ARMC3: variants seen among roughly 807,000 people sequenced by gnomAD.
The protein encoded by ARMC3 is armadillo repeat-containing protein 3.
Under a neutral mutation model 90.3 loss-of-function variants are expected in ARMC3, and 74 were observed. The ratio of observed to expected loss-of-function variants is 0.82; its 90% CI spans 0.68 to 0.99. The LOEUF is 0.99. Among genes scored for constraint, ARMC3 ranks in the 50% least tolerant of loss-of-function variants. The pLI is 0.00. For missense variants in ARMC3, 958 were observed against 1,042.8 expected, an observed-to-expected ratio of 0.92 and a Z score of 1.12; for synonymous variants, 334 against 361.8, an observed-to-expected ratio of 0.92 and a Z score of 0.87.
chr10:23,012,878 C>G (rs962463882), intron 16 of ARMC3, among the ~76,000 whole-genome samples: 1 of 149,748 alleles, frequency 6.7e-6, no homozygotes, highest in Non-Finnish European at 1.5e-5. Context: ...CCCAGAGGTG[C>G]TAGCCCCCAC....
intron 16 of ARMC3, among the ~76,000 whole-genome samples, chr10:23,015,308 A>G (rs1838226488): frequency 6.6e-6 from 1 of 152,160 alleles, no homozygotes; most frequent in South Asian, 2.1e-4. Flanking sequence ...CTCATAGGAG[A>G]CGTGATTAAT....
intron 7 of ARMC3, among the ~76,000 whole-genome samples, chr10:22,964,504 ATCTCTGC>A (rs1235315249): frequency 6.7e-6 from 1 of 148,840 alleles, no homozygotes; most frequent in Admixed American, 6.7e-5. Context: ...CAGTGGCACG[ATCTCTGC>A]TCACTGCAAT....
chr10:22,952,011 G>C (rs1834756619), intron 3 of ARMC3, among the ~76,000 whole-genome samples: 1 of 152,092 alleles, frequency 6.6e-6, no homozygotes, highest in Admixed American at 6.6e-5. Context: ...TGTAGTCCCA[G>C]CTGCTTGGGA....
At chr10:23,018,592 C>T (rs1838382692) in intron 16 of ARMC3, among the ~76,000 whole-genome samples, 1 of 147,564 alleles carries the variant, frequency 6.8e-6, no homozygotes, top group African/African-American at 2.5e-5. Context: ...TCTCTGCTCA[C>T]TGCAAGCTCT....
intron 10 of ARMC3, among the ~76,000 whole-genome samples, chr10:22,993,857 C>T (rs114517256): frequency 1.1e-4 from 17 of 152,218 alleles, no homozygotes; most frequent in African/African-American, 3.6e-4. Context: ...GACATGAAAT[C>T]GCACAATATT....
intron 13 of ARMC3, among the ~76,000 whole-genome samples, chr10:23,005,529 C>T (rs1470566012): frequency 6.6e-6 from 1 of 152,136 alleles, no homozygotes; most frequent in Non-Finnish European, 1.5e-5. Flanking sequence ...AGAGAATAAA[C>T]ACCAAACATG....
chr10:22,956,048 C>A, intron 4 of ARMC3, 116 bp downstream of exon 4: 5 of 1,036,320 alleles, frequency 4.8e-6, no homozygotes, highest in Non-Finnish European at 6.8e-6. Context: ...TTCATGTTCA[C>A]AAAAACATTT....
At chr10:22,972,246 C>A (rs913073776) in intron 8 of ARMC3, among the ~76,000 whole-genome samples, 1 of 152,128 alleles carries the variant, frequency 6.6e-6, no homozygotes, top group African/African-American at 2.4e-5. Flanking sequence ...GGTGTCATAT[C>A]CAATAACTCA....
At chr10:22,968,586 A>C in intron 8 of ARMC3, 97 bp downstream of exon 8, 1 of 1,117,922 alleles carries the variant, frequency 8.9e-7, no homozygotes, top group East Asian at 2.7e-5. Context: ...TGCAGCCTCA[A>C]CCTCCCCAGG....
chr10:22,982,500 A>C (rs1032115084), intron 10 of ARMC3, among the ~76,000 whole-genome samples: 13 of 152,256 alleles, frequency 8.5e-5, no homozygotes, highest in Admixed American at 2.0e-4. Context: ...CATTTTAAAA[A>C]TTATCAAAAT....
intron 7 of ARMC3, among the ~76,000 whole-genome samples, chr10:22,963,640 C>T (rs1835298347): frequency 1.3e-5 from 2 of 151,846 alleles, no homozygotes; most frequent in African/African-American, 4.8e-5. Flanking sequence ...ACCTGTAATC[C>T]CAGCACTTTG....
At chr10:22,961,154 T>A (rs959274308) in intron 6 of ARMC3, 1 of 152,210 alleles carries the variant, frequency 6.6e-6, no homozygotes, top group African/African-American at 2.4e-5. Context: ...TAGCAATCAA[T>A]TGAAGGATGG....
At position 22,959,479 on chromosome 10, in the gene ARMC3, G is replaced by C. The variant is rs544586609; in HGVS notation, c.442G>C (p.Glu148Gln). The C allele has an allele frequency of 1.2e-6, 2 of 1,613,966 alleles. No individual in the cohort carries two copies. The highest frequency in any genetic ancestry group is 2.2e-5 in the South Asian group (2 of 91,056). ...GTACACCAGTAAAGTGCAAATATTT[G>C]AACATGGGGGATTAGAGCCACTCAT... ...AEYTSKVQIF[E>Q]HGGLEPLIRL... The change falls in exon 6 of 19, where the codon GAA becomes CAA. Residue 148 changes from glutamate to glutamine, a missense_variant. Physicochemically the swap from Glu to Gln is conservative, Grantham distance 29. Transcript: ENST00000298032.
intron 16 of ARMC3, chr10:23,014,195 A>C: frequency 6.5e-7 from 1 of 1,547,208 alleles, no homozygotes; most frequent in Non-Finnish European, 8.7e-7. Context: ...TTCAGACACA[A>C]CTGGGCCTTG....
intron 1 of ARMC3, among the ~76,000 whole-genome samples, chr10:22,929,876 T>G (rs537861137): frequency 6.6e-6 from 1 of 152,296 alleles, no homozygotes; most frequent in South Asian, 2.1e-4. Flanking sequence ...GGCTTTTAAC[T>G]TCATTCTTTA....
intron 7 of ARMC3, among the ~76,000 whole-genome samples, chr10:22,967,270 G>A (rs1835480390): frequency 6.6e-6 from 1 of 152,204 alleles, no homozygotes; most frequent in South Asian, 2.1e-4. Flanking sequence ...CATATAAAAA[G>A]TACTTTCACA....
chr10:22,980,779 T>C (rs538611628), intron 8 of ARMC3, among the ~76,000 whole-genome samples: 15 of 152,302 alleles, frequency 9.8e-5, no homozygotes, highest in African/African-American at 3.4e-4. Context: ...TACTTAAGTA[T>C]GTATTGTCAT....
chr10:22,976,043 T>C (rs114624384), intron 8 of ARMC3, among the ~76,000 whole-genome samples: 4 of 152,180 alleles, frequency 2.6e-5, no homozygotes, highest in Non-Finnish European at 5.9e-5. Context: ...TTTAGCCCAA[T>C]TGTGGATGAG....
At chr10:23,006,681 C>T (rs938921473) in intron 13 of ARMC3, 3 of 515,420 alleles carry the variant, frequency 5.8e-6, no homozygotes, top group African/African-American at 3.9e-5. Flanking sequence ...TGATAAGGAA[C>T]TGGATCTGTC....
Sources: allele counts gnomAD v4.1 joint callset (sites outside exome capture counted in the v4.1 genomes callset), GRCh38; gene constraint gnomAD v4.1.1; transcripts MANE v1.5; gene names NCBI Gene and HGNC (gene_info 2026-07-23, HGNC 2026-07-21).